Variants in IL34 observed in about 807,000 individuals in gnomAD.
IL34 encodes interleukin 34.
In IL34, 17 loss-of-function variants were observed where a neutral mutation model predicts 25.3. The ratio of observed to expected loss-of-function variants is 0.67; its 90% CI spans 0.46 to 1.01. The LOEUF (loss-of-function observed/expected upper bound fraction) is 1.01, where lower values mean the gene tolerates loss of function less well. IL34 is among the 50% of genes least tolerant of loss of function. The pLI is 0.00. For missense variants in IL34, 368 were observed against 312.9 expected, an observed-to-expected ratio of 1.18 and a Z score of -1.33; for synonymous variants, 174 against 140.9, an observed-to-expected ratio of 1.23 and a Z score of -1.66.
chr16:70,658,714 GCCTC>G (rs1375392306), intron 4 of IL34, among the ~76,000 whole-genome samples: 1 of 151,638 alleles, frequency 6.6e-6, no homozygotes, highest in Non-Finnish European at 1.5e-5. Context: ...CAAGTGATAT[GCCTC>G]CCTCAGCCTC....
At position 70,622,950 on chromosome 16, in the gene IL34, G is replaced by A. The variant is rs559507303; in HGVS notation, c.-400-23598G>A. Among the ~76,000 whole-genome samples the A allele has an allele frequency of 1.7e-4, 26 of 152,158 alleles. No individual in the cohort carries two copies. The East Asian group carries it at 2.3e-3, about 14-fold the overall frequency. ...TTTGGACAGAAAGGCTACAGGGTGC[G>A]GTCCTGGCTCTTGTATAAGAATTCT... On this transcript the variant is annotated intron_variant, in intron 1 of 6. Coordinates refer to the IL34 transcript ENST00000429149.
rs113413502 is a variant in IL34, at chr16:70,629,076, C to T, written c.-400-17472C>T. Among the ~76,000 whole-genome samples the T allele has an allele frequency of 5.9e-3, 901 of 152,178 alleles. 8 individuals carry two copies. The highest frequency in any genetic ancestry group is 0.017 in the Middle Eastern group (5 of 294). The stretch of plus-strand genomic sequence containing the variant: ...ATAGGCATGAGTCACTGTACCTGGC[C>T]CCTGGCTATTGTTTATAGTAGTTTG... On this transcript the variant is annotated intron_variant, in intron 1 of 6. Coordinates refer to the IL34 transcript ENST00000429149.
Position 70,589,013 on chromosome 16 carries a change from G to A in IL34, c.-401+8964G>A, listed in dbSNP as rs553107065. Among the ~76,000 whole-genome samples the A allele has an allele frequency of 3.9e-5, 6 of 152,064 alleles. No individual in the cohort carries two copies. The South Asian group carries it at 1.0e-3, about 26-fold the overall frequency. On this transcript the variant is annotated intron_variant, in intron 1 of 6. Transcript: ENST00000429149. Reference sequence around the variant, plus strand: ...ATATAAATGTATTTAATGCCACTGGGAAAAAAATGCTAGCTGAGAGCGGTG... The same window carrying A: ...ATATAAATGTATTTAATGCCACTGGAAAAAAAATGCTAGCTGAGAGCGGTG...
chr16:70,649,081 T>C (rs2052014250), intron 1 of IL34, among the ~76,000 whole-genome samples: 1 of 152,150 alleles, frequency 6.6e-6, no homozygotes, highest in Non-Finnish European at 1.5e-5. Flanking sequence ...TAATAATGCC[T>C]GTAAGTGGCA....
At chr16:70,629,445 C>T (rs1471418089) in intron 1 of IL34, among the ~76,000 whole-genome samples, 1 of 152,114 alleles carries the variant, frequency 6.6e-6, no homozygotes, top group Non-Finnish European at 1.5e-5. Context: ...CTTGCGGAAC[C>T]GGTTCCAGAA....
intron 1 of IL34, among the ~76,000 whole-genome samples, chr16:70,596,543 G>A (rs1185608909): frequency 1.3e-5 from 2 of 152,134 alleles, no homozygotes; most frequent in African/African-American, 2.4e-5. Flanking sequence ...CTTCCACATG[G>A]CGTTGGGCAC....
chr16:70,642,347 G>A (rs112578304), upstream of IL34, among the ~76,000 whole-genome samples: 4 of 149,430 alleles, frequency 2.7e-5, no homozygotes, highest in Admixed American at 6.7e-5. Context: ...ACCCAGGCTG[G>A]AGTGCAGTGG....
intron 1 of IL34, among the ~76,000 whole-genome samples, chr16:70,635,172 T>G (rs2051613429): frequency 6.6e-6 from 1 of 152,158 alleles, no homozygotes. Context: ...ATCGCCAGTC[T>G]TCCAAAATGA....
At chr16:70,626,998 A>G (rs1021878377) in intron 1 of IL34, among the ~76,000 whole-genome samples, 3 of 151,678 alleles carry the variant, frequency 2.0e-5, no homozygotes, top group South Asian at 2.1e-4. Context: ...TTAAAAATAT[A>G]TATGTTTCTT....
At chr16:70,632,357 A>G (rs534485864) in intron 1 of IL34, among the ~76,000 whole-genome samples, 13 of 152,324 alleles carry the variant, frequency 8.5e-5, no homozygotes, top group African/African-American at 2.4e-4. Context: ...CCTGTTCTCA[A>G]GGTCTAGGCT....
intron 1 of IL34, among the ~76,000 whole-genome samples, chr16:70,611,308 T>G (rs1374810160): frequency 6.6e-6 from 1 of 152,146 alleles, no homozygotes; most frequent in Non-Finnish European, 1.5e-5. Context: ...TGTATCCACT[T>G]CCTAGTTGCT....
intron 1 of IL34, among the ~76,000 whole-genome samples, chr16:70,635,530 C>A (rs758966773): frequency 9.7e-4 from 147 of 152,246 alleles, no homozygotes; most frequent in Non-Finnish European, 1.5e-3. Flanking sequence ...GGTTGGAGGT[C>A]AGAGGTCAGA....
chr16:70,654,765 G>A, intron 2 of IL34, 94 bp downstream of exon 2: 2 of 1,461,938 alleles, frequency 1.4e-6, no homozygotes. Flanking sequence ...CTTAGGACCT[G>A]TGTCAGCCCT....
At chr16:70,635,901 G>T (rs1048438626) in intron 1 of IL34, among the ~76,000 whole-genome samples, 1 of 152,048 alleles carries the variant, frequency 6.6e-6, no homozygotes, top group African/African-American at 2.4e-5. Flanking sequence ...ATAGCCCTTT[G>T]AGGTCAGAAT....
intron 1 of IL34, among the ~76,000 whole-genome samples, chr16:70,622,009 TAC>T (rs2051293254): frequency 6.6e-6 from 1 of 152,112 alleles, no homozygotes. Flanking sequence ...TGGGCGTATA[TAC>T]GTGCAAGTCA....
intron 1 of IL34, among the ~76,000 whole-genome samples, chr16:70,611,453 A>T (rs1269473576): frequency 1.3e-5 from 2 of 152,008 alleles, no homozygotes; most frequent in East Asian, 1.9e-4. Context: ...CAAAAGCCTG[A>T]CCTCTTTGCC....
chr16:70,616,104 G>A (rs2051168720), intron 1 of IL34, among the ~76,000 whole-genome samples: 2 of 152,188 alleles, frequency 1.3e-5, no homozygotes, highest in African/African-American at 4.8e-5. Flanking sequence ...ACTACTGTGT[G>A]GTGAACATGC....
At chr16:70,606,058 T>C (rs1446881953) in intron 1 of IL34, among the ~76,000 whole-genome samples, 1 of 151,124 alleles carries the variant, frequency 6.6e-6, no homozygotes, top group South Asian at 2.1e-4. Flanking sequence ...AGGAAGAAAT[T>C]TACATGCAAT....
chr16:70,627,298 T>C (rs2051415159), intron 1 of IL34, among the ~76,000 whole-genome samples: 1 of 151,962 alleles, frequency 6.6e-6, no homozygotes, highest in African/African-American at 2.4e-5. Context: ...GTAAATAAAT[T>C]GGAAGTATAC....
Sources: gnomAD v4.1 joint callset for allele counts (sites outside exome capture counted in the v4.1 genomes callset) on GRCh38, gnomAD v4.1.1 for gene constraint, MANE v1.5 for transcripts, NCBI Gene and HGNC (gene_info 2026-07-23, HGNC 2026-07-21) for gene names.